COG5: variants seen among roughly 807,000 people sequenced by gnomAD.
COG5 encodes the protein conserved oligomeric Golgi complex subunit 5.
In COG5, 86 loss-of-function variants were observed where a neutral mutation model predicts 110.4. That is an observed-to-expected ratio of 0.78 (90% confidence interval 0.65 to 0.93). The LOEUF (loss-of-function observed/expected upper bound fraction) is 0.93, where lower values mean the gene tolerates loss of function less well. Among genes scored for constraint, COG5 ranks in the 40% least tolerant of loss-of-function variants. The pLI is 0.00. For synonymous variants in COG5, 360 were observed against 334.6 expected, an observed-to-expected ratio of 1.08 and a Z score of -0.83; for missense variants, 1,077 against 987.0, an observed-to-expected ratio of 1.09 and a Z score of -1.22.
At chr7:107,513,119 A>C (rs1389279224) in intron 6 of COG5, among the ~76,000 whole-genome samples, 2 of 151,356 alleles carry the variant, frequency 1.3e-5, no homozygotes, top group Admixed American at 6.6e-5. Context: ...CAACCTACAA[A>C]ATGGGAGAAA....
At chr7:107,546,428 G>GTT (rs946384915) in intron 5 of COG5, among the ~76,000 whole-genome samples, 8 of 117,166 alleles carry the variant, frequency 6.8e-5, no homozygotes, top group Non-Finnish European at 1.4e-4. Context: ...TTGTGTTTTG[G>GTT]TTTTTTGTTT....
Position 107,546,435 on chromosome 7 carries a change from G to GTTTTTTTTTTTTTT in COG5, c.417+1662_417+1675dup, listed in dbSNP as rs754919944. On this transcript the variant is annotated intron_variant, in intron 5 of 21. Coordinates refer to ENST00000297135, the MANE Select transcript of COG5 (RefSeq NM_006348.5). ...ACCAAGAGTTGTGTTTTGGTTTTTTGTTTTTTTTTTTTTTTTTTGAGACAA... is the reference window on the plus strand; with the variant it reads ...ACCAAGAGTTGTGTTTTGGTTTTTTGTTTTTTTTTTTTTTTTTTTTTTTTTTTTTTTTGAGACAA... Among the ~76,000 whole-genome samples, 68 of 119,516 alleles carry GTTTTTTTTTTTTTT rather than the reference G, an allele frequency of 5.7e-4. 5 individuals carry two copies. The highest frequency in any genetic ancestry group is 1.5e-3 in the South Asian group (5 of 3,426). The allele number at this position is 119,516 out of a possible 152,430, so 78.4% of individuals were successfully genotyped here. A position where few individuals can be genotyped will look rare whatever the true frequency, so the allele number is the denominator to read the frequency against.
intron 11 of COG5, among the ~76,000 whole-genome samples, chr7:107,311,532 TA>T (rs1808267398): frequency 2.0e-5 from 3 of 150,482 alleles, no homozygotes; most frequent in Admixed American, 6.6e-5. Context: ...TAGCTGGGAC[TA>T]CAGGCGCCCG....
intron 17 of COG5, among the ~76,000 whole-genome samples, chr7:107,244,343 A>T (rs952579040): frequency 7.2e-5 from 11 of 152,190 alleles, no homozygotes; most frequent in African/African-American, 2.7e-4. Flanking sequence ...TAAGAGGAAA[A>T]TTCATAGCAC....
At chr7:107,209,929 A>C (rs910607852) in intron 21 of COG5, 37 of 986,540 alleles carry the variant, frequency 3.8e-5, no homozygotes, top group Admixed American at 6.1e-5. Flanking sequence ...AGTTGCAGGG[A>C]AGAGTGTTGC....
intron 17 of COG5, among the ~76,000 whole-genome samples, chr7:107,237,281 A>AAC (rs1326995789): frequency 6.6e-6 from 1 of 152,246 alleles, no homozygotes; most frequent in African/African-American, 2.4e-5. Flanking sequence ...AATTTGGATC[A>AAC]ACAAATGATA....
intron 6 of COG5, among the ~76,000 whole-genome samples, chr7:107,416,664 C>A (rs1292922213): frequency 1.3e-5 from 2 of 152,124 alleles, no homozygotes; most frequent in Non-Finnish European, 2.9e-5. Context: ...GACTTCACAA[C>A]AGTTACTATA....
chr7:107,228,984 A>C (rs1206009504), intron 19 of COG5, among the ~76,000 whole-genome samples: 2 of 152,192 alleles, frequency 1.3e-5, no homozygotes, highest in Non-Finnish European at 2.9e-5. Flanking sequence ...GTTGGTTTTT[A>C]GAAAGCTGCA....
chr7:107,267,581 C>G (rs533473298), intron 14 of COG5, among the ~76,000 whole-genome samples: 42 of 152,286 alleles, frequency 2.8e-4, no homozygotes, highest in African/African-American at 9.6e-4. Context: ...TTCATATCTA[C>G]ATGAAATGTA....
intron 1 of COG5, among the ~76,000 whole-genome samples, chr7:107,561,407 A>G (rs911694959): frequency 6.6e-6 from 1 of 152,224 alleles, no homozygotes; most frequent in Non-Finnish European, 1.5e-5. Context: ...AACTGAACTG[A>G]CAAGTATCTA....
At position 107,258,373 on chromosome 7, in the gene COG5, T is replaced by C. The variant is rs377326343; in HGVS notation, c.1586A>G (p.Gln529Arg). The C allele has an allele frequency of 2.2e-5, 35 of 1,595,634 alleles. No homozygotes were observed. The African/African-American group carries it at 4.2e-4, about 19-fold the overall frequency. The change falls in exon 15 of 22, where the codon CAA becomes CGA. Residue 529 changes from glutamine (Q) to arginine (R), a missense_variant. Physicochemically the swap from Gln to Arg is conservative, Grantham distance 43. Transcript: ENST00000297135. ...CCCAATCACCTGACTTGCATCTCCT[T>C]GTGTGGAGAGCTGTAAGAATTCAAT... ...SVKSEQLLST[Q>R]GDASQVIGPL...
chr7:107,423,730 A>G lies in COG5; in HGVS notation c.539-11098T>C, dbSNP rs144936349. Among the ~76,000 whole-genome samples the G allele has an allele frequency of 6.1e-3, 927 of 152,232 alleles. 16 individuals are homozygous for G. The highest frequency in any genetic ancestry group is 0.021 in the African/African-American group (884 of 41,576). On this transcript the variant is annotated intron_variant, in intron 6 of 21. Coordinates refer to ENST00000297135, the MANE Select transcript of COG5 (RefSeq NM_006348.5). The stretch of plus-strand genomic sequence containing the variant: ...GCAAAAATATCAAGAAAATATTAGC[A>G]AACAGAATCTTGCAACATATGAAAA...
intron 10 of COG5, among the ~76,000 whole-genome samples, chr7:107,334,856 G>A (rs185105658): frequency 7.3e-5 from 11 of 151,374 alleles, no homozygotes; most frequent in Admixed American, 2.6e-4. Flanking sequence ...AATTAAGTAC[G>A]CAAACAAAAC....
chr7:107,336,998 G>C (rs1242310097), intron 10 of COG5, among the ~76,000 whole-genome samples: 2 of 152,116 alleles, frequency 1.3e-5, no homozygotes, highest in Non-Finnish European at 2.9e-5. Flanking sequence ...GACTGGAATA[G>C]ACATTTCTCA....
chr7:107,479,188 T>C (rs1797169993), intron 6 of COG5, among the ~76,000 whole-genome samples: 1 of 152,042 alleles, frequency 6.6e-6, no homozygotes, highest in African/African-American at 2.4e-5. Flanking sequence ...TTAAGAACAG[T>C]AAAAAGAAAA....
intron 6 of COG5, among the ~76,000 whole-genome samples, chr7:107,416,994 C>T (rs1792895289): frequency 6.6e-6 from 1 of 152,136 alleles, no homozygotes; most frequent in Non-Finnish European, 1.5e-5. Context: ...GGAATTTGTA[C>T]AGCAATATCT....
intron 12 of COG5, among the ~76,000 whole-genome samples, chr7:107,289,654 T>C (rs1483857260): frequency 1.3e-5 from 2 of 152,234 alleles, no homozygotes; most frequent in African/African-American, 4.8e-5. Context: ...GCTTTTCTAC[T>C]TATTTAGATA....
chr7:107,301,729 T>TCC (rs1409372489), intron 11 of COG5, among the ~76,000 whole-genome samples: 1 of 151,846 alleles, frequency 6.6e-6, no homozygotes, highest in African/African-American at 2.4e-5. Context: ...ATTAGCCAGG[T>TCC]GTGGTGGTGC....
chr7:107,396,810 T>C (rs887456682), intron 7 of COG5, among the ~76,000 whole-genome samples: 85 of 152,274 alleles, frequency 5.6e-4, no homozygotes, highest in African/African-American at 1.8e-3. Flanking sequence ...TATTAGATAA[T>C]AGTAATTAAT....
Sources: allele counts gnomAD v4.1 joint callset (sites outside exome capture counted in the v4.1 genomes callset), GRCh38; gene constraint gnomAD v4.1.1; transcripts MANE v1.5; gene names NCBI Gene and HGNC (gene_info 2026-07-23, HGNC 2026-07-21).